Variants in ZHX2 observed in about 807,000 individuals in gnomAD.
The protein encoded by ZHX2 is zinc fingers and homeoboxes protein 2.
Under a neutral mutation model 21.9 loss-of-function variants are expected in ZHX2, and 6 were observed. That is an observed-to-expected ratio of 0.27 (90% CI 0.15 to 0.54). The LOEUF (loss-of-function observed/expected upper bound fraction) is 0.54, where lower values mean the gene tolerates loss of function less well. Ranked by LOEUF, ZHX2 falls within the 20% of genes least tolerant of loss-of-function variation. ZHX2 has a pLI of 0.95. For missense variants in ZHX2, 908 were observed against 1,090.7 expected (o/e 0.83, Z 2.36); for synonymous variants, 434 against 437.1 (o/e 0.99, Z 0.09).
intron 1 of ZHX2, among the ~76,000 whole-genome samples, chr8:122,802,342 C>G: frequency 6.6e-6 from 1 of 152,206 alleles, no homozygotes; most frequent in South Asian, 2.1e-4. Context: ...GGGTTAGAGG[C>G]GTGAGCCACC....
intron 1 of ZHX2, among the ~76,000 whole-genome samples, chr8:122,844,401 C>T (rs1175558734): frequency 2.0e-5 from 3 of 152,234 alleles, no homozygotes; most frequent in African/African-American, 7.2e-5. Context: ...CTCTGAGCTT[C>T]GCATTGCGAA....
chr8:122,830,054 G>C (rs906359682), intron 1 of ZHX2, among the ~76,000 whole-genome samples: 12 of 152,246 alleles, frequency 7.9e-5, no homozygotes, highest in African/African-American at 2.9e-4. Flanking sequence ...AGACCTACTT[G>C]TAAGGTTCTT....
chr8:122,806,537 A>G (rs1817827591), intron 1 of ZHX2, among the ~76,000 whole-genome samples: 1 of 152,254 alleles, frequency 6.6e-6, no homozygotes, highest in Admixed American at 6.5e-5. Flanking sequence ...CACACAGAGT[A>G]GCAAGGACTG....
chr8:122,926,075 G>A (rs1260497576), intron 2 of ZHX2, among the ~76,000 whole-genome samples: 2 of 152,150 alleles, frequency 1.3e-5, no homozygotes, highest in Non-Finnish European at 2.9e-5. Context: ...ACACGCATGC[G>A]CCCCAGCTCA....
chr8:122,803,113 A>C (rs1817752656), intron 1 of ZHX2, among the ~76,000 whole-genome samples: 1 of 151,974 alleles, frequency 6.6e-6, no homozygotes, highest in South Asian at 2.1e-4. Flanking sequence ...CCCTGTTCCT[A>C]TTCTGAGCCT....
intron 1 of ZHX2, chr8:122,815,378 C>G (rs1043197179): frequency 2.6e-5 from 4 of 152,146 alleles, no homozygotes; most frequent in African/African-American, 9.7e-5. Flanking sequence ...ATAATAAATA[C>G]AGGCATACCT....
intron 2 of ZHX2, among the ~76,000 whole-genome samples, chr8:122,911,183 C>T (rs973636728): frequency 2.7e-5 from 4 of 150,902 alleles, no homozygotes; most frequent in Non-Finnish European, 5.9e-5. Flanking sequence ...AGGGCAGCCC[C>T]GTAGTCCTGT....
intron 2 of ZHX2, among the ~76,000 whole-genome samples, chr8:122,919,441 G>A (rs1048637692): frequency 6.6e-6 from 1 of 152,156 alleles, no homozygotes; most frequent in African/African-American, 2.4e-5. Flanking sequence ...TGTATTTATT[G>A]CGTACTCACT....
rs572899838 is a variant in ZHX2 at position 122,890,242 on chromosome 8, G to A, written c.-220+26703G>A. On this transcript the variant is annotated intron_variant, in intron 2 of 3. Transcript: ENST00000314393. ...CATTTTCCTGATGTAGGTTCTTGGT[G>A]CCTTTGTCGAAAATAAGCTGGCTAT... is the stretch of plus-strand genomic sequence containing the variant. Among the ~76,000 whole-genome samples the A allele has an allele frequency of 4.6e-5, 7 of 152,106 alleles. No individual in the cohort carries two copies. The East Asian group carries it at 1.4e-3, about 29-fold the overall frequency.
chr8:122,933,436 T>C lies in ZHX2; in HGVS notation c.-219-17856T>C, dbSNP rs1277174715. On this transcript the variant is annotated intron_variant, in intron 2 of 3. Coordinates refer to ENST00000314393, the MANE Select transcript of ZHX2 (RefSeq NM_014943.5). ...GTTTCTTCTTTCTGTCTTAGCAAGA[T>C]TTTTTTTTCTGCTTTCAGAAACACA... Among the ~76,000 whole-genome samples, 4 of 151,870 alleles carry C rather than the reference T, an allele frequency of 2.6e-5. No homozygotes were observed. The East Asian group carries it at 7.7e-4, about 29-fold the overall frequency.
rs1044633084 is a variant in ZHX2, at chr8:122,903,703, C to T, written c.-220+40164C>T. Among the ~76,000 whole-genome samples the T allele has an allele frequency of 2.0e-5, 3 of 151,964 alleles. No homozygotes were observed. The East Asian group carries it at 5.8e-4, about 29-fold the overall frequency. On this transcript the variant is annotated intron_variant, in intron 2 of 3. Coordinates refer to ENST00000314393, the MANE Select transcript of ZHX2 (RefSeq NM_014943.5). ...ATAAAAGACTTTGAAAGGGGAGTGG[C>T]GTGTTGTTCTGGTATCTCCTGATGT...
intron 2 of ZHX2, among the ~76,000 whole-genome samples, chr8:122,881,660 A>G (rs1194706224): frequency 6.6e-6 from 1 of 152,206 alleles, no homozygotes; most frequent in African/African-American, 2.4e-5. Flanking sequence ...AAGGCATCTC[A>G]TGATGACAAC....
At chr8:122,912,779 ACT>A (rs1820513281) in intron 2 of ZHX2, among the ~76,000 whole-genome samples, 2 of 152,318 alleles carry the variant, frequency 1.3e-5, no homozygotes, top group South Asian at 4.1e-4. Flanking sequence ...CTCAGAATAC[ACT>A]GAGGGGCAAA....
chr8:122,849,410 G>A (rs1310239103), intron 1 of ZHX2, among the ~76,000 whole-genome samples: 1 of 152,210 alleles, frequency 6.6e-6, no homozygotes, highest in Non-Finnish European at 1.5e-5. Flanking sequence ...TACAAACTGG[G>A]TGGGTTAAAG....
At chr8:122,888,951 A>G (rs1186499704) in intron 2 of ZHX2, among the ~76,000 whole-genome samples, 1 of 152,280 alleles carries the variant, frequency 6.6e-6, no homozygotes, top group Admixed American at 6.5e-5. Context: ...CTTGTATGAG[A>G]TGAACTTTAT....
chr8:122,843,461 C>T (rs916683884), intron 1 of ZHX2, among the ~76,000 whole-genome samples: 1 of 152,228 alleles, frequency 6.6e-6, no homozygotes, highest in Non-Finnish European at 1.5e-5. Context: ...TTAGAGGAGC[C>T]TTTCATTAGT....
chr8:122,915,644 A>C lies in ZHX2; in HGVS notation c.-219-35648A>C, dbSNP rs79037876. Among the ~76,000 whole-genome samples, 43 of 152,348 alleles carry C rather than the reference A, an allele frequency of 2.8e-4. 1 individual carries two copies. In the East Asian group the frequency reaches 7.9e-3, roughly 28 times the overall value. ...AGTTATGGGTGATTAATAGGACCACATCCAGGCTTTGGGTTCTAGCAGCAT... is the reference window on the plus strand; with the variant it reads ...AGTTATGGGTGATTAATAGGACCACCTCCAGGCTTTGGGTTCTAGCAGCAT... On this transcript the variant is annotated intron_variant, in intron 2 of 3. Transcript: ENST00000314393.
In ZHX2 at chr8:122,860,175, TA is replaced by T. The variant is rs554526944; in HGVS notation, c.-282-3301del. On this transcript the variant is annotated intron_variant, in intron 1 of 3. Coordinates refer to ENST00000314393, the MANE Select transcript of ZHX2 (RefSeq NM_014943.5). ...AGTGAGCGAAGGGGGAAGAGCTCCT[TA>T]TAAAACCATCAGATCTCGTGAGAAC... is the stretch of plus-strand genomic sequence containing the variant. 7.4e-4 allele frequency among the ~76,000 whole-genome samples: 112 copies of T among 152,274 alleles called. 1 individual carries two copies. Among genetic ancestry groups the T allele is most frequent in the African/African-American group, 2.6e-3 (109 of 41,568 alleles).
At chr8:122,945,482 A>G (rs1812950151) in intron 2 of ZHX2, among the ~76,000 whole-genome samples, 2 of 149,364 alleles carry the variant, frequency 1.3e-5, no homozygotes, top group Admixed American at 6.7e-5. Flanking sequence ...TTCCGAGGCA[A>G]TTTATTCCAA....
Sources: allele counts gnomAD v4.1 joint callset (sites outside exome capture counted in the v4.1 genomes callset), GRCh38; gene constraint gnomAD v4.1.1; transcripts MANE v1.5; gene names NCBI Gene and HGNC (gene_info 2026-07-23, HGNC 2026-07-21).